Variants in YEATS2 observed in about 807,000 individuals in gnomAD.
YEATS2 encodes the protein YEATS domain-containing protein 2.
YEATS2 carries 77 observed loss-of-function variants against 163.2 expected under a neutral mutation model. That is an observed-to-expected ratio of 0.47 (90% CI 0.39 to 0.57). The LOEUF (loss-of-function observed/expected upper bound fraction) is 0.57, where lower values mean the gene tolerates loss of function less well. Ranked by LOEUF, YEATS2 falls within the 20% of genes least tolerant of loss-of-function variation. The pLI, the probability that YEATS2 is intolerant of heterozygous loss-of-function variation, is 0.00. For synonymous variants in YEATS2, 631 were observed against 645.1 expected (o/e 0.98, Z 0.33); for missense variants, 1,549 against 1,729.8 (o/e 0.90, Z 1.85).
At chr3:183,809,391 C>T in intron 30 of YEATS2, 1 of 485,206 alleles carries the variant, frequency 2.1e-6, no homozygotes, top group Non-Finnish European at 3.7e-6. Flanking sequence ...TTTATATCCT[C>T]CTCATTACTT....
rs774036611 is a variant in YEATS2, at chr3:183,790,858, A to G, written c.2975A>G (p.Gln992Arg). 55 of 1,614,074 alleles carry G rather than the reference A, an allele frequency of 3.4e-5. No homozygotes were observed. The highest frequency in any genetic ancestry group is 4.6e-5 in the Non-Finnish European group (54 of 1,180,050). The change falls in exon 21 of 31, where the codon CAG (glutamine) becomes CGG (arginine). Residue 992 changes from glutamine (Q) to arginine (R), a missense_variant. Coordinates refer to ENST00000305135, the MANE Select transcript of YEATS2 (RefSeq NM_018023.5). The part of the protein sequence containing the change: ...TVSSVTKTSG[Q>R]QQVCVSQATV... ...AGTTCTGTAACGAAAACTTCTGGGC[A>G]GCAGCAAGTGTGTGTGAGCCAGGCC...
chr3:183,810,654 C>A lies in YEATS2; in HGVS notation c.*71C>A. 1 of 1,435,118 alleles carries A rather than the reference C, an allele frequency of 7.0e-7. No individual in the cohort carries two copies. Among genetic ancestry groups the A allele is most frequent in the South Asian group, 1.2e-5 (1 of 83,826 alleles). The allele number at this position is 1,435,118 out of a possible 1,614,324, so 88.9% of individuals were successfully genotyped here. A position where few individuals can be genotyped will look rare whatever the true frequency, so the allele number is the denominator to read the frequency against. ...AGCTGTAACTGAGGACCCTGCTGCT[C>A]GGGAAGGAGGTGGTTTCCAGTGTGA... is the stretch of plus-strand genomic sequence containing the variant. On this transcript the variant is annotated 3_prime_UTR_variant, in exon 31 of 31. Coordinates refer to ENST00000305135, the MANE Select transcript of YEATS2 (RefSeq NM_018023.5).
At chr3:183,798,161 G>A (rs1389753071) in intron 22 of YEATS2, 110 bp downstream of exon 22, 3 of 1,490,526 alleles carry the variant, frequency 2.0e-6, no homozygotes, top group Admixed American at 1.9e-5. Flanking sequence ...AGCTGTCACG[G>A]TATTCCCAGC....
intron 12 of YEATS2, 49 bp downstream of exon 12, chr3:183,756,738 T>TA: frequency 7.6e-7 from 1 of 1,320,676 alleles, no homozygotes; most frequent in South Asian, 2.7e-5. Context: ...TGATCTTTAT[T>TA]AAAAATGTAA....
chr3:183,768,942 A>T (rs764107049), intron 15 of YEATS2, among the ~76,000 whole-genome samples: 16 of 152,360 alleles, frequency 1.1e-4, no homozygotes, highest in Non-Finnish European at 1.9e-4. Context: ...ACCGCACTCC[A>T]GCCTGGGCAA....
At chr3:183,744,705 G>A (rs1008848275) in intron 8 of YEATS2, among the ~76,000 whole-genome samples, 4 of 152,030 alleles carry the variant, frequency 2.6e-5, no homozygotes, top group African/African-American at 9.7e-5. Context: ...TTCTTTGTAC[G>A]GTAGTATTTT....
intron 15 of YEATS2, among the ~76,000 whole-genome samples, chr3:183,763,628 A>G (rs1721601896): frequency 1.3e-5 from 2 of 152,346 alleles, no homozygotes; most frequent in African/African-American, 2.4e-5. Flanking sequence ...AATAAATGAC[A>G]AAGTGTTTAA....
intron 21 of YEATS2, among the ~76,000 whole-genome samples, chr3:183,791,286 C>T (rs1560320880): frequency 6.6e-6 from 1 of 152,344 alleles, no homozygotes. Flanking sequence ...CCACCCACCT[C>T]AGCCTCCCAA....
intron 1 of YEATS2, among the ~76,000 whole-genome samples, chr3:183,707,442 T>C (rs1048265515): frequency 1.3e-5 from 2 of 152,212 alleles, no homozygotes; most frequent in African/African-American, 4.8e-5. Flanking sequence ...TCCTCTGGTT[T>C]GGACTTTTGA....
intron 1 of YEATS2, among the ~76,000 whole-genome samples, chr3:183,706,197 A>C (rs939078975): frequency 6.6e-6 from 1 of 152,042 alleles, no homozygotes; most frequent in South Asian, 2.1e-4. Flanking sequence ...GATTAAGCTA[A>C]CCTAAGAAAA....
intron 19 of YEATS2, among the ~76,000 whole-genome samples, chr3:183,782,158 G>A (rs930679720): frequency 1.3e-5 from 2 of 152,076 alleles, no homozygotes. Context: ...TGCCCAGGCT[G>A]GAGTGCAGTG....
chr3:183,787,841 C>CAA (rs1390922658), intron 20 of YEATS2, among the ~76,000 whole-genome samples: 1 of 142,846 alleles, frequency 7.0e-6, no homozygotes. Context: ...ACTAAAAATA[C>CAA]AAAAAAAAAA....
At chr3:183,785,286 G>A (rs376691362) in intron 19 of YEATS2, among the ~76,000 whole-genome samples, 5 of 151,954 alleles carry the variant, frequency 3.3e-5, no homozygotes, top group African/African-American at 9.7e-5. Context: ...ACGAGAGATC[G>A]AGACCATCCT....
At position 183,777,766 on chromosome 3, in the gene YEATS2, G is replaced by C. The variant is rs191466361; in HGVS notation, c.2736+66G>C. 1,227 of 1,532,036 alleles carry C rather than the reference G, an allele frequency of 8.0e-4. 8 individuals are homozygous for C. In the African/African-American group the frequency reaches 0.015, roughly 19 times the overall value. 94.9% of individuals were successfully genotyped at this position (1,532,036 alleles called of 1,614,324 possible). A position where few individuals can be genotyped will look rare whatever the true frequency, so the allele number is the denominator to read the frequency against. On this transcript the variant is annotated intron_variant, in intron 19 of 30. Transcript: ENST00000305135. ...ATGGCATTTATTTACATATTTACAT[G>C]TAGTTTCTCTCTTTTCACAAAGAAA... is the stretch of plus-strand genomic sequence containing the variant.
intron 2 of YEATS2, among the ~76,000 whole-genome samples, chr3:183,717,263 G>A (rs1715991681): frequency 6.6e-6 from 1 of 152,154 alleles, no homozygotes; most frequent in African/African-American, 2.4e-5. Flanking sequence ...GCATTTAGCT[G>A]TCATATCTCT....
intron 15 of YEATS2, among the ~76,000 whole-genome samples, chr3:183,766,646 G>A (rs535529758): frequency 2.6e-5 from 4 of 152,330 alleles, no homozygotes; most frequent in African/African-American, 9.6e-5. Flanking sequence ...AAAGTCAGTA[G>A]GTGAGTTCAG....
intron 4 of YEATS2, among the ~76,000 whole-genome samples, chr3:183,719,873 T>C (rs1299856040): frequency 1.3e-5 from 2 of 152,170 alleles, no homozygotes; most frequent in East Asian, 3.8e-4. Flanking sequence ...CTCTAGTTTT[T>C]TAAGATTTAA....
At chr3:183,742,252 G>A (rs1719054001) in intron 8 of YEATS2, among the ~76,000 whole-genome samples, 1 of 152,050 alleles carries the variant, frequency 6.6e-6, no homozygotes, top group Non-Finnish European at 1.5e-5. Flanking sequence ...AATATATTTT[G>A]TAAGGCTATG....
rs149926436 is a variant in YEATS2, at chr3:183,780,049, A to C, written c.2736+2349A>C. Among the ~76,000 whole-genome samples, 1,509 of 151,240 alleles carry C rather than the reference A, an allele frequency of 1.0e-2. 9 individuals carry two copies. The highest frequency in any genetic ancestry group is 0.015 in the Non-Finnish European group (1,026 of 67,912). On this transcript the variant is annotated intron_variant, in intron 19 of 30. Coordinates refer to ENST00000305135, the MANE Select transcript of YEATS2 (RefSeq NM_018023.5). Reference sequence around the variant, plus strand: ...TTTTATCTTTCTGACTCAAGATCTAACAGAGAAAACTTTAAATTGCTGTGG... The same window carrying C: ...TTTTATCTTTCTGACTCAAGATCTACCAGAGAAAACTTTAAATTGCTGTGG...
Sources: gnomAD v4.1 joint callset for allele counts (sites outside exome capture counted in the v4.1 genomes callset) on GRCh38, gnomAD v4.1.1 for gene constraint, MANE v1.5 for transcripts, NCBI Gene and HGNC (gene_info 2026-07-23, HGNC 2026-07-21) for gene names.